The following SLIT3 variants were observed in gnomAD, a reference collection of about 807,000 sequenced individuals.
The protein encoded by SLIT3 is slit guidance ligand 3.
SLIT3 carries 68 observed loss-of-function variants against 184.0 expected under a neutral mutation model. That is an observed-to-expected ratio of 0.37 (90% CI 0.30 to 0.45). The LOEUF (loss-of-function observed/expected upper bound fraction) is 0.45, where lower values mean the gene tolerates loss of function less well. SLIT3 is among the 20% of genes least tolerant of loss of function. SLIT3 has a pLI of 1.00. For missense variants in SLIT3, 1,707 were observed against 2,026.0 expected, an observed-to-expected ratio of 0.84 and a Z score of 3.02; for synonymous variants, 831 against 828.6, an observed-to-expected ratio of 1.00 and a Z score of -0.05.
In SLIT3 at chr5:169,133,454, C is replaced by T. The variant is rs568888918; in HGVS notation, c.413+60025G>A. 5.3e-5 allele frequency among the ~76,000 whole-genome samples: 8 copies of T among 152,306 alleles called. No individual in the cohort carries two copies. In the South Asian group the frequency reaches 1.7e-3, roughly 32 times the overall value. On this transcript the variant is annotated intron_variant, in intron 4 of 35. Coordinates refer to ENST00000519560, the MANE Select transcript of SLIT3 (RefSeq NM_003062.4). ...CTATGCATAGAGCCATGGGAATTGGCTTGCCAACAGTCTCCATGGAGAAGG... is the reference window on the plus strand; with the variant it reads ...CTATGCATAGAGCCATGGGAATTGGTTTGCCAACAGTCTCCATGGAGAAGG...
At chr5:168,725,453 A>T (rs1763080701) in intron 20 of SLIT3, among the ~76,000 whole-genome samples, 1 of 152,212 alleles carries the variant, frequency 6.6e-6, no homozygotes, top group Admixed American at 6.5e-5. Flanking sequence ...GCTGAAGAAC[A>T]TTTAAGATGG....
intron 3 of SLIT3, among the ~76,000 whole-genome samples, chr5:169,195,792 C>G (rs55696144): frequency 0.019 from 2,827 of 152,256 alleles, 33 homozygotes; most frequent in Non-Finnish European, 0.029. Context: ...TCCCAAAGTG[C>G]TGGAATTACA....
intron 3 of SLIT3, among the ~76,000 whole-genome samples, chr5:169,217,725 C>G (rs1444973912): frequency 7.9e-5 from 12 of 152,198 alleles, no homozygotes; most frequent in Non-Finnish European, 1.5e-4. Flanking sequence ...AACACACAGG[C>G]CGCTCTGTGA....
chr5:169,295,404 G>A (rs78958489), intron 1 of SLIT3, among the ~76,000 whole-genome samples: 1,598 of 152,374 alleles, frequency 0.01, 86 homozygotes, highest in Admixed American at 0.082. Context: ...GGTAGGCACC[G>A]TGCTGAGCAC....
intron 5 of SLIT3, among the ~76,000 whole-genome samples, chr5:168,870,399 C>G (rs1035789959): frequency 4.1e-4 from 63 of 152,202 alleles, no homozygotes; most frequent in African/African-American, 1.5e-3. Flanking sequence ...GCCCTAAGCC[C>G]CATTCCAGGT....
chr5:168,965,982 G>A (rs757885498), intron 4 of SLIT3, among the ~76,000 whole-genome samples: 4 of 152,144 alleles, frequency 2.6e-5, no homozygotes, highest in Non-Finnish European at 5.9e-5. Context: ...AAGCAACAGC[G>A]TGTGGTTCTC....
At chr5:169,269,957 T>C (rs2113629318) in intron 1 of SLIT3, among the ~76,000 whole-genome samples, 1 of 152,284 alleles carries the variant, frequency 6.6e-6, no homozygotes, top group South Asian at 2.1e-4. Context: ...GGGAGGGAAA[T>C]CTGTTTCCTA....
chr5:169,061,084 T>TG (rs1758160045), intron 4 of SLIT3, among the ~76,000 whole-genome samples: 1 of 152,212 alleles, frequency 6.6e-6, no homozygotes, highest in African/African-American at 2.4e-5. Flanking sequence ...TGGGATGCTG[T>TG]GGGTGTTCAA....
intron 3 of SLIT3, among the ~76,000 whole-genome samples, chr5:169,206,372 C>T (rs1764067729): frequency 6.6e-6 from 1 of 152,230 alleles, no homozygotes; most frequent in African/African-American, 2.4e-5. Context: ...CACAGATTCT[C>T]CATGTTCTCT....
At chr5:169,269,115 T>C (rs957626073) in intron 1 of SLIT3, among the ~76,000 whole-genome samples, 7 of 152,230 alleles carry the variant, frequency 4.6e-5, no homozygotes, top group Admixed American at 1.3e-4. Context: ...TCTCAGGGAC[T>C]TGAAGGTGCC....
chr5:168,711,521 TTC>T (rs921781296), intron 24 of SLIT3, among the ~76,000 whole-genome samples: 149 of 151,700 alleles, frequency 9.8e-4, no homozygotes, highest in African/African-American at 3.2e-3. Flanking sequence ...ATACTAGAAA[TTC>T]TGTTTTTTTT....
chr5:168,764,797 C>T (rs1040055995), intron 14 of SLIT3, among the ~76,000 whole-genome samples: 7 of 152,270 alleles, frequency 4.6e-5, no homozygotes, highest in Non-Finnish European at 8.8e-5. Flanking sequence ...CACGTATCCC[C>T]ACAGTTATTC....
In SLIT3 at chr5:168,666,815, A is replaced by G. The variant is rs115576567; in HGVS notation, c.4337-126T>C. Reference sequence around the variant, plus strand: ...ACTGTAAGAATTTATTCACTCATCCATCTGCCTACCCTCCCCTCCATCCAC... The same window carrying G: ...ACTGTAAGAATTTATTCACTCATCCGTCTGCCTACCCTCCCCTCCATCCAC... On this transcript the variant is annotated intron_variant, in intron 35 of 35. Coordinates refer to ENST00000519560, the MANE Select transcript of SLIT3 (RefSeq NM_003062.4). The G allele has an allele frequency of 2.6e-3, 3,759 of 1,465,090 alleles. 82 individuals carry two copies. In the African/African-American group the frequency reaches 0.046, roughly 18 times the overall value. The allele number at this position is 1,465,090 out of a possible 1,614,324, so 90.8% of individuals were successfully genotyped here.
intron 5 of SLIT3, among the ~76,000 whole-genome samples, chr5:168,880,970 G>T (rs1188354117): frequency 6.6e-6 from 1 of 152,206 alleles, no homozygotes; most frequent in African/African-American, 2.4e-5. Flanking sequence ...AACATGAATT[G>T]TACCTCTGGG....
chr5:168,745,965 AT>A (rs1448839236), intron 20 of SLIT3, among the ~76,000 whole-genome samples: 4 of 152,190 alleles, frequency 2.6e-5, no homozygotes, highest in Admixed American at 2.6e-4. Flanking sequence ...GATCATTAGC[AT>A]TTTTTAGCAA....
intron 23 of SLIT3, 79 bp from the exon 24 acceptor site, chr5:168,712,433 G>T: frequency 1.6e-6 from 2 of 1,266,430 alleles, no homozygotes; most frequent in Non-Finnish European, 1.2e-6. Flanking sequence ...CCAGTGCCTG[G>T]CCCTGCCACC....
chr5:168,762,379 T>TG (rs1378285256), intron 15 of SLIT3, among the ~76,000 whole-genome samples, 160 bp downstream of exon 15: 2 of 152,186 alleles, frequency 1.3e-5, no homozygotes, highest in East Asian at 3.9e-4. Context: ...CCACAGGAGA[T>TG]GCCTGGGTAT....
chr5:168,864,299 C>T (rs947484093), intron 5 of SLIT3, among the ~76,000 whole-genome samples: 3 of 152,174 alleles, frequency 2.0e-5, no homozygotes, highest in African/African-American at 7.2e-5. Context: ...CATTTATGAG[C>T]TCTGGATATG....
At chr5:168,820,536 A>G (rs1210300932) in intron 7 of SLIT3, among the ~76,000 whole-genome samples, 1 of 152,200 alleles carries the variant, frequency 6.6e-6, no homozygotes, top group Non-Finnish European at 1.5e-5. Context: ...CACTGAAGAA[A>G]TGTTCACTGT....
Sources: allele counts gnomAD v4.1 joint callset (sites outside exome capture counted in the v4.1 genomes callset), GRCh38; gene constraint gnomAD v4.1.1; transcripts MANE v1.5; gene names NCBI Gene and HGNC (gene_info 2026-07-23, HGNC 2026-07-21).